CCDC102B: variants seen among roughly 807,000 people sequenced by gnomAD.
The protein encoded by CCDC102B is coiled-coil domain containing 102B.
Under a neutral mutation model 57.4 loss-of-function variants are expected in CCDC102B, and 75 were observed. The ratio of observed to expected loss-of-function variants is 1.31; its 90% CI spans 1.08 to 1.58. The LOEUF (loss-of-function observed/expected upper bound fraction) is 1.58. Among genes scored for constraint, CCDC102B ranks in the 40% most tolerant of loss-of-function variants. CCDC102B has a pLI of 0.00. For missense variants in CCDC102B, 636 were observed against 582.6 expected (o/e 1.09, Z -0.94); for synonymous variants, 206 against 201.9 (o/e 1.02, Z -0.17).
intron 4 of CCDC102B, among the ~76,000 whole-genome samples, chr18:68,867,354 A>G (rs146104045): frequency 5.0e-4 from 76 of 152,094 alleles, no homozygotes; most frequent in Non-Finnish European, 9.6e-4. Flanking sequence ...CAGCTTGCCT[A>G]CTCTGGGAAT....
chr18:69,048,869 A>G (rs1441974927), intron 7 of CCDC102B, among the ~76,000 whole-genome samples: 2 of 152,084 alleles, frequency 1.3e-5, no homozygotes, highest in East Asian at 1.9e-4. Flanking sequence ...GACTTTGTAT[A>G]GAGGAGGATT....
At chr18:68,898,286 C>T (rs904422586) in intron 6 of CCDC102B, among the ~76,000 whole-genome samples, 1 of 152,052 alleles carries the variant, frequency 6.6e-6, no homozygotes, top group East Asian at 1.9e-4. Context: ...CATTCATACT[C>T]ACATAAGCTC....
At chr18:69,042,901 G>A (rs1459474423) in intron 7 of CCDC102B, among the ~76,000 whole-genome samples, 2 of 152,112 alleles carry the variant, frequency 1.3e-5, no homozygotes, top group Non-Finnish European at 2.9e-5. Context: ...TCATAAGGTG[G>A]AACGAGAGAC....
intron 7 of CCDC102B, among the ~76,000 whole-genome samples, chr18:69,020,686 C>T (rs569951837): frequency 6.6e-6 from 1 of 152,114 alleles, no homozygotes; most frequent in Admixed American, 6.6e-5. Context: ...AATGTCAGAA[C>T]TGACAGTCTA....
At chr18:68,968,899 C>T (rs1307358228) in intron 6 of CCDC102B, among the ~76,000 whole-genome samples, 1 of 152,100 alleles carries the variant, frequency 6.6e-6, no homozygotes, top group Non-Finnish European at 1.5e-5. Context: ...GAATGATATT[C>T]CATTCCTGAG....
At position 68,759,692 on chromosome 18, in the gene CCDC102B, T is replaced by C. The variant is rs546369564; in HGVS notation, c.-67+43098T>C. On this transcript the variant is annotated intron_variant, in intron 2 of 3. Transcript: ENST00000578970. Reference sequence around the variant, plus strand: ...TTCATTTATTTTTATAAGTCCTTTCTATCGAATGTAGATTTTTGCCAAAAT... The same window carrying C: ...TTCATTTATTTTTATAAGTCCTTTCCATCGAATGTAGATTTTTGCCAAAAT... 1.1e-4 allele frequency among the ~76,000 whole-genome samples: 17 copies of C among 152,246 alleles called. No individual in the cohort carries two copies. The South Asian group carries it at 3.5e-3, about 32-fold the overall frequency.
chr18:68,854,916 T>C (rs927368644), intron 4 of CCDC102B, among the ~76,000 whole-genome samples: 8 of 152,206 alleles, frequency 5.3e-5, no homozygotes, highest in African/African-American at 1.4e-4. Context: ...TGTGTTTGCA[T>C]TGTTCACACG....
At chr18:68,777,017 A>G (rs1323097686) in intron 2 of CCDC102B, among the ~76,000 whole-genome samples, 1 of 152,202 alleles carries the variant, frequency 6.6e-6, no homozygotes, top group South Asian at 2.1e-4. Context: ...AATTTTACCT[A>G]TAGGAAATAT....
chr18:68,880,613 T>C (rs923653445), intron 5 of CCDC102B, among the ~76,000 whole-genome samples: 2 of 152,228 alleles, frequency 1.3e-5, no homozygotes, highest in African/African-American at 2.4e-5. Flanking sequence ...AACTCTACTT[T>C]CAGGGTGAAT....
chr18:68,731,929 CTG>C (rs1236767138), intron 2 of CCDC102B, among the ~76,000 whole-genome samples: 2 of 143,198 alleles, frequency 1.4e-5, no homozygotes, highest in Non-Finnish European at 3.1e-5. Context: ...TTTTATAAAA[CTG>C]AACACATATC....
chr18:68,974,173 A>G (rs1173727483), intron 6 of CCDC102B, among the ~76,000 whole-genome samples: 4 of 152,002 alleles, frequency 2.6e-5, no homozygotes, highest in Non-Finnish European at 4.4e-5. Context: ...GCCTTATGGG[A>G]GCTATTCAGG....
chr18:68,904,979 T>A (rs1035513770), intron 6 of CCDC102B, among the ~76,000 whole-genome samples: 1 of 152,270 alleles, frequency 6.6e-6, no homozygotes, highest in East Asian at 1.9e-4. Flanking sequence ...GTGTGTTAAA[T>A]GCATAAGTTT....
Position 68,951,230 on chromosome 18 carries a change from G to A in CCDC102B, c.1263+53802G>A, listed in dbSNP as rs1441703599. Among the ~76,000 whole-genome samples the A allele has an allele frequency of 3.3e-5, 5 of 151,956 alleles. No individual in the cohort carries two copies. The East Asian group carries it at 9.7e-4, about 29-fold the overall frequency. ...AAAGAAAATTAACAATGAGAGAAAA[G>A]CAAAATTAAAAATTCAGAACGGGTG... On this transcript the variant is annotated intron_variant, in intron 6 of 7. Coordinates refer to ENST00000360242, the MANE Select transcript of CCDC102B (RefSeq NM_024781.3).
chr18:69,035,147 G>A (rs903949237), intron 7 of CCDC102B, among the ~76,000 whole-genome samples: 1 of 151,928 alleles, frequency 6.6e-6, no homozygotes, highest in Non-Finnish European at 1.5e-5. Flanking sequence ...TGCATTACTA[G>A]TATACCATAT....
intron 1 of CCDC102B, among the ~76,000 whole-genome samples, chr18:68,799,498 G>T (rs1314616460): frequency 6.6e-6 from 1 of 152,086 alleles, no homozygotes; most frequent in Non-Finnish European, 1.5e-5. Flanking sequence ...ACAAAACAAT[G>T]GCTGTAATTC....
intron 6 of CCDC102B, among the ~76,000 whole-genome samples, chr18:68,971,678 G>C (rs370067734): frequency 7.2e-5 from 11 of 152,162 alleles, no homozygotes; most frequent in Middle Eastern, 3.4e-3. Context: ...GCCACTAAAA[G>C]AACAAACGAT....
intron 2 of CCDC102B, among the ~76,000 whole-genome samples, chr18:68,790,335 C>T (rs952364820): frequency 4.1e-5 from 6 of 145,330 alleles, no homozygotes; most frequent in African/African-American, 1.5e-4. Flanking sequence ...AGGCAGGCCT[C>T]CTTGAGCTGT....
intron 5 of CCDC102B, among the ~76,000 whole-genome samples, chr18:68,893,783 G>A (rs73462065): frequency 0.04 from 6,017 of 151,970 alleles, 198 homozygotes; most frequent in African/African-American, 0.081. Context: ...TTTATCCTTC[G>A]GAATAATCAC....
chr18:68,969,095 G>A (rs1171468535), intron 6 of CCDC102B, among the ~76,000 whole-genome samples: 1 of 152,114 alleles, frequency 6.6e-6, no homozygotes, highest in African/African-American at 2.4e-5. Context: ...AAACACATTA[G>A]CCTAAAATTT....
Sources: allele counts gnomAD v4.1 joint callset (sites outside exome capture counted in the v4.1 genomes callset), GRCh38; gene constraint gnomAD v4.1.1; transcripts MANE v1.5; gene names NCBI Gene and HGNC (gene_info 2026-07-23, HGNC 2026-07-21).